The following PTPRT variants were observed in gnomAD, a reference collection of about 807,000 sequenced individuals.
PTPRT encodes the protein receptor-type tyrosine-protein phosphatase T.
In PTPRT, 56 loss-of-function variants were observed where a neutral mutation model predicts 176.8. That is an observed-to-expected ratio of 0.32 (90% CI 0.26 to 0.40). The LOEUF is 0.40. Among genes scored for constraint, PTPRT ranks in the 10% least tolerant of loss-of-function variants. The pLI is 1.00. For missense variants in PTPRT, 1,540 were observed against 1,908.2 expected, an observed-to-expected ratio of 0.81 and a Z score of 3.60; for synonymous variants, 783 against 739.0, an observed-to-expected ratio of 1.06 and a Z score of -0.96.
the PTPRT span, among the ~76,000 whole-genome samples, chr20:42,033,504 A>G: frequency 2.0e-5 from 3 of 152,072 alleles, no homozygotes; most frequent in Non-Finnish European, 4.4e-5. Flanking sequence ...GGATGTGGAA[A>G]ATGGAGTCTG....
intron 6 of PTPRT, among the ~76,000 whole-genome samples, chr20:42,721,066 A>C (rs2076295086): frequency 6.6e-6 from 1 of 152,192 alleles, no homozygotes; most frequent in Admixed American, 6.5e-5. Flanking sequence ...AGCTCTACAC[A>C]GACAGCACTC....
chr20:42,128,362 AGG>A (rs1174473870), intron 19 of PTPRT, among the ~76,000 whole-genome samples: 1 of 152,018 alleles, frequency 6.6e-6, no homozygotes, highest in African/African-American at 2.4e-5. Flanking sequence ...AAGGTTTTAA[AGG>A]GTAGAGACCA....
At chr20:42,041,721 T>A in the PTPRT span, among the ~76,000 whole-genome samples, 2 of 152,188 alleles carry the variant, frequency 1.3e-5, no homozygotes, top group African/African-American at 4.8e-5. Flanking sequence ...TATACCTACT[T>A]TATAAATTGT....
At chr20:42,036,701 G>C in the PTPRT span, among the ~76,000 whole-genome samples, 1 of 152,200 alleles carries the variant, frequency 6.6e-6, no homozygotes. Flanking sequence ...GAAAGTGAGA[G>C]AGTAGAAAGT....
rs182880248 is a variant in PTPRT, at chr20:42,983,045, C to A, written c.89-97113G>T. 2.2e-3 allele frequency among the ~76,000 whole-genome samples: 335 copies of A among 152,344 alleles called. 1 individual carries two copies. The highest frequency in any genetic ancestry group is 7.6e-3 in the African/African-American group (318 of 41,580). ...AGCAACCTGTCTACACAGGCTCAGA[C>A]TCCAGGCTGGCTCCGGTGGCTCCTT... On this transcript the variant is annotated intron_variant, in intron 1 of 30. Coordinates refer to ENST00000373187, the MANE Select transcript of PTPRT (RefSeq NM_007050.6).
At chr20:43,063,365 T>C (rs751032177) in intron 1 of PTPRT, 2 of 152,372 alleles carry the variant, frequency 1.3e-5, no homozygotes, top group African/African-American at 2.4e-5. Context: ...TGTCATCCCA[T>C]TGATTGCCAG....
intron 1 of PTPRT, among the ~76,000 whole-genome samples, chr20:43,114,325 C>T (rs750129708): frequency 5.3e-5 from 8 of 152,132 alleles, no homozygotes; most frequent in Admixed American, 2.6e-4. Context: ...CAACTGCCTG[C>T]GTACAAATCT....
Position 42,073,765 on chromosome 20 carries a change from C to T in PTPRT, c.*7114G>A, listed in dbSNP as rs1177575160. The T allele has an allele frequency of 8.9e-6, 2 of 223,642 alleles. No homozygotes were observed. Among genetic ancestry groups the T allele is most frequent in the Non-Finnish European group, 1.8e-5 (2 of 112,090 alleles). 13.9% of individuals were successfully genotyped at this position (223,642 alleles called of 1,614,324 possible). A position where few individuals can be genotyped will look rare whatever the true frequency, so the allele number is the denominator to read the frequency against. On this transcript the variant is annotated 3_prime_UTR_variant, in exon 31 of 31. Transcript: ENST00000373187. ...GCAGGGGGCTTCAGCCTGTACAGAC[C>T]AAACACAATCTACTTGGATTCGTGC...
intron 1 of PTPRT, among the ~76,000 whole-genome samples, chr20:43,132,123 T>G (rs2013663446): frequency 6.6e-6 from 1 of 152,116 alleles, no homozygotes; most frequent in African/African-American, 2.4e-5. Flanking sequence ...AGAATGCCCA[T>G]TATCACCATT....
intron 2 of PTPRT, among the ~76,000 whole-genome samples, chr20:42,794,883 C>A (rs189994055): frequency 3.3e-5 from 5 of 151,664 alleles, no homozygotes; most frequent in Non-Finnish European, 5.9e-5. Context: ...TGGGATCCAG[C>A]GGCCATCTCT....
intron 7 of PTPRT, among the ~76,000 whole-genome samples, chr20:42,513,534 A>G (rs1568940906): frequency 2.0e-5 from 3 of 152,006 alleles, no homozygotes; most frequent in South Asian, 2.1e-4. Flanking sequence ...TTTTCTAGAT[A>G]TTTTGCAATT....
chr20:42,311,875 T>G (rs1437217681), intron 12 of PTPRT, among the ~76,000 whole-genome samples: 1 of 152,234 alleles, frequency 6.6e-6, no homozygotes, highest in Non-Finnish European at 1.5e-5. Flanking sequence ...CTTTTTAGTA[T>G]TCTCAGTATC....
intron 2 of PTPRT, among the ~76,000 whole-genome samples, chr20:42,806,003 A>ATTTTTTTTTTTTTTTTTTTTT (rs3092354): frequency 7.1e-6 from 1 of 140,574 alleles, no homozygotes; most frequent in Non-Finnish European, 1.5e-5. Flanking sequence ...TATAGGGAAG[A>ATTTTTTTTTTTTTTTTTTTTT]TTTTTTTTTT....
In PTPRT at chr20:42,203,293, T is replaced by C. The variant is rs78284945; in HGVS notation, c.2343-3905A>G. Among the ~76,000 whole-genome samples, 490 of 152,322 alleles carry C rather than the reference T, an allele frequency of 3.2e-3. 2 individuals are homozygous for C. The highest frequency in any genetic ancestry group is 0.011 in the African/African-American group (469 of 41,566). On this transcript the variant is annotated intron_variant, in intron 15 of 30. Coordinates refer to ENST00000373187, the MANE Select transcript of PTPRT (RefSeq NM_007050.6). The stretch of plus-strand genomic sequence containing the variant: ...ACAGAAAAATTGACATTCATCTCCA[T>C]AGCCAAATAATTTAATTTACTACCT...
intron 13 of PTPRT, among the ~76,000 whole-genome samples, chr20:42,272,714 C>G (rs985689646): frequency 9.0e-6 from 1 of 111,588 alleles, no homozygotes; most frequent in African/African-American, 3.9e-5. Flanking sequence ...TGCACACACA[C>G]GTGCGCGCAC....
intron 12 of PTPRT, among the ~76,000 whole-genome samples, chr20:42,283,667 G>A (rs1280106125): frequency 5.3e-5 from 8 of 152,112 alleles, no homozygotes; most frequent in South Asian, 2.1e-4. Context: ...CAAGGGGAGA[G>A]AGTGCTAAAG....
chr20:42,875,072 C>G (rs2078908636), intron 2 of PTPRT, among the ~76,000 whole-genome samples: 1 of 152,176 alleles, frequency 6.6e-6, no homozygotes, highest in Admixed American at 6.5e-5. Context: ...GTCTCCATCA[C>G]TTTCACTTCC....
At chr20:42,459,639 G>A (rs1428339596) in intron 8 of PTPRT, among the ~76,000 whole-genome samples, 2 of 152,196 alleles carry the variant, frequency 1.3e-5, no homozygotes, top group Non-Finnish European at 2.9e-5. Context: ...CAAGACTGCT[G>A]CTTTGTACAA....
chr20:43,019,255 GT>G (rs1166703948), intron 1 of PTPRT, among the ~76,000 whole-genome samples: 1 of 152,176 alleles, frequency 6.6e-6, no homozygotes, highest in Non-Finnish European at 1.5e-5. Flanking sequence ...TATTCTCAGT[GT>G]TTCAGTAGGC....
Sources: gnomAD v4.1 joint callset for allele counts (sites outside exome capture counted in the v4.1 genomes callset) on GRCh38, gnomAD v4.1.1 for gene constraint, MANE v1.5 for transcripts, NCBI Gene and HGNC (gene_info 2026-07-23, HGNC 2026-07-21) for gene names.